Variants in LRRC49 observed in about 807,000 individuals in gnomAD.
The protein encoded by LRRC49 is leucine-rich repeat-containing protein 49.
In LRRC49, 50 loss-of-function variants were observed where a neutral mutation model predicts 83.3. The ratio of observed to expected loss-of-function variants is 0.60; its 90% CI spans 0.48 to 0.76. The LOEUF (loss-of-function observed/expected upper bound fraction) is 0.76, where lower values mean the gene tolerates loss of function less well. LRRC49 is among the 30% of genes least tolerant of loss of function. The pLI, the probability that LRRC49 is intolerant of heterozygous loss-of-function variation, is 0.00. For missense variants in LRRC49, 704 were observed against 809.1 expected (o/e 0.87, Z 1.58); for synonymous variants, 286 against 283.3 (o/e 1.01, Z -0.10).
chr15:70,971,260 G>A (rs572143377), intron 9 of LRRC49, among the ~76,000 whole-genome samples: 1 of 152,278 alleles, frequency 6.6e-6, no homozygotes, highest in East Asian at 1.9e-4. Context: ...TCAGGAGCAG[G>A]TTGTTCAGTT....
intron 8 of LRRC49, among the ~76,000 whole-genome samples, chr15:70,944,978 C>G (rs559354921): frequency 6.6e-6 from 1 of 152,214 alleles, no homozygotes; most frequent in East Asian, 1.9e-4. Flanking sequence ...TCTCACAGCC[C>G]CTCAATAGTT....
chr15:70,986,449 G>A (rs1490327910), intron 11 of LRRC49, among the ~76,000 whole-genome samples: 1 of 152,054 alleles, frequency 6.6e-6, no homozygotes, highest in Non-Finnish European at 1.5e-5. Context: ...TGTTATTGGT[G>A]TATAAGAATG....
intron 8 of LRRC49, among the ~76,000 whole-genome samples, chr15:70,953,950 A>G (rs1328244954): frequency 6.6e-6 from 1 of 151,930 alleles, no homozygotes; most frequent in Admixed American, 6.6e-5. Context: ...ACTGTAGTGC[A>G]GTGGCGTGAT....
At chr15:71,048,538 G>A (rs1462054067) in intron 15 of LRRC49, among the ~76,000 whole-genome samples, 1 of 152,052 alleles carries the variant, frequency 6.6e-6, no homozygotes, top group Non-Finnish European at 1.5e-5. Flanking sequence ...CTTCATTGAT[G>A]TGCATTACTT....
chr15:70,870,861 C>T (rs915130585), intron 1 of LRRC49, among the ~76,000 whole-genome samples: 3 of 151,884 alleles, frequency 2.0e-5, no homozygotes, highest in Non-Finnish European at 2.9e-5. Flanking sequence ...CAAATTGTAA[C>T]TAAAAAATGA....
At chr15:71,018,724 A>G (rs1445265174) in intron 14 of LRRC49, among the ~76,000 whole-genome samples, 1 of 152,082 alleles carries the variant, frequency 6.6e-6, no homozygotes, top group South Asian at 2.1e-4. Context: ...ATAGTGTCAG[A>G]TCCTACAGGT....
intron 2 of LRRC49, 59 bp downstream of exon 2, chr15:70,893,699 G>A (rs201401352): frequency 2.4e-4 from 316 of 1,290,244 alleles, no homozygotes; most frequent in Middle Eastern, 1.9e-4. Flanking sequence ...TACACAAATA[G>A]CAGCATGACT....
chr15:71,024,471 G>A (rs1487781213), intron 14 of LRRC49, among the ~76,000 whole-genome samples: 1 of 152,106 alleles, frequency 6.6e-6, no homozygotes, highest in African/African-American at 2.4e-5. Flanking sequence ...GAGGGACCCA[G>A]TTGAATAGTG....
intron 9 of LRRC49, among the ~76,000 whole-genome samples, chr15:70,966,259 G>A (rs933322921): frequency 1.3e-5 from 2 of 152,088 alleles, no homozygotes; most frequent in Admixed American, 6.6e-5. Flanking sequence ...TTCCTAAACT[G>A]CGTGCAGAGG....
chr15:70,971,437 A>G (rs1349068129), intron 9 of LRRC49, among the ~76,000 whole-genome samples: 1 of 152,152 alleles, frequency 6.6e-6, no homozygotes, highest in African/African-American at 2.4e-5. Flanking sequence ...AGAAGACTGT[A>G]TATTCTGTTG....
chr15:71,041,454 T>C (rs996830428), intron 15 of LRRC49, among the ~76,000 whole-genome samples: 1 of 151,994 alleles, frequency 6.6e-6, no homozygotes, highest in Non-Finnish European at 1.5e-5. Flanking sequence ...ATAGCAGAAG[T>C]CAACAGCTTC....
At chr15:70,882,654 A>G in intron 2 of LRRC49, 1 of 1,613,546 alleles carries the variant, frequency 6.2e-7, no homozygotes, top group Non-Finnish European at 8.5e-7. Flanking sequence ...TGAATACCTG[A>G]AAGAGAATAA....
intron 7 of LRRC49, among the ~76,000 whole-genome samples, chr15:70,934,012 T>A (rs1034380214): frequency 2.0e-5 from 3 of 152,160 alleles, no homozygotes; most frequent in Admixed American, 2.0e-4. Flanking sequence ...CTCTTGGAGA[T>A]ACCCTTCTAG....
chr15:70,893,202 T>C, intron 1 of LRRC49: 1 of 590,032 alleles, frequency 1.7e-6, no homozygotes, highest in Non-Finnish European at 3.0e-6. Context: ...TTTATTTAAA[T>C]TCCTTTGGCC....
At chr15:70,987,886 G>T (rs148480370) in intron 11 of LRRC49, among the ~76,000 whole-genome samples, 1 of 152,042 alleles carries the variant, frequency 6.6e-6, no homozygotes, top group Non-Finnish European at 1.5e-5. Flanking sequence ...CCTTCATTTT[G>T]TTATGTACCT....
intron 1 of LRRC49, among the ~76,000 whole-genome samples, chr15:70,866,660 G>A (rs369760357): frequency 8.5e-5 from 13 of 152,086 alleles, no homozygotes; most frequent in African/African-American, 2.9e-4. Context: ...ATGCAGTGAC[G>A]GGATATAGAT....
At chr15:71,035,708 G>GTA (rs1281724660) in intron 14 of LRRC49, among the ~76,000 whole-genome samples, 6 of 151,142 alleles carry the variant, frequency 4.0e-5, no homozygotes, top group Admixed American at 1.3e-4. Flanking sequence ...GTATTCCATG[G>GTA]TATATATATA....
At chr15:70,953,945 A>T (rs1206544871) in intron 8 of LRRC49, among the ~76,000 whole-genome samples, 1 of 151,844 alleles carries the variant, frequency 6.6e-6, no homozygotes, top group Admixed American at 6.6e-5. Flanking sequence ...CCTAGACTGT[A>T]GTGCAGTGGC....
chr15:70,876,990 T>TGAA (rs2033165330), intron 2 of LRRC49, among the ~76,000 whole-genome samples: 1 of 152,232 alleles, frequency 6.6e-6, no homozygotes, highest in South Asian at 2.1e-4. Flanking sequence ...TTCAGTCTAA[T>TGAA]GATGCCACTC....
Sources: allele counts gnomAD v4.1 joint callset (sites outside exome capture counted in the v4.1 genomes callset), GRCh38; gene constraint gnomAD v4.1.1; transcripts MANE v1.5; gene names NCBI Gene and HGNC (gene_info 2026-07-23, HGNC 2026-07-21).